The following GOLGA8M variants were observed in gnomAD, a reference collection of about 807,000 sequenced individuals.
GOLGA8M encodes the protein golgin A8 family member M, also known as golgin subfamily A member 8M.
Under a neutral mutation model 87.7 loss-of-function variants are expected in GOLGA8M, and 34 were observed. The observed-to-expected ratio is 0.39, with a 90% CI of 0.29 to 0.52. The LOEUF is 0.52. GOLGA8M is among the 20% of genes least tolerant of loss of function. GOLGA8M has a pLI of 0.80. For synonymous variants in GOLGA8M, 138 were observed against 250.2 expected (o/e 0.55, Z 4.23); for missense variants, 396 against 682.2 (o/e 0.58, Z 4.67).
Position 28,701,734 on chromosome 15 carries a change from A to G in GOLGA8M, c.*220T>C, listed in dbSNP as rs1379049726. On this transcript the variant is annotated 3_prime_UTR_variant, in exon 19 of 19. Transcript: ENST00000563027. The stretch of plus-strand genomic sequence containing the variant: ...CCTACAATTATGAAATTAAAAAAGA[A>G]AAATGCTAAAGGATGCCAGAGTGAA... 5.3e-5 allele frequency among the ~76,000 whole-genome samples: 8 copies of G among 152,152 alleles called. No individual in the cohort carries two copies. The highest frequency in any genetic ancestry group is 3.9e-4 in the Admixed American group (6 of 15,290).
intron 8 of GOLGA8M, 103 bp from the exon 9 acceptor site, chr15:28,706,802 G>T: frequency 1.7e-6 from 2 of 1,165,298 alleles, no homozygotes; most frequent in Non-Finnish European, 2.4e-6. Context: ...AACTCGGTCA[G>T]TAAAGATCAA....
In GOLGA8M at chr15:28,701,894, C is replaced by G; in HGVS notation, c.*60G>C. The G allele has an allele frequency of 7.1e-7, 1 of 1,407,584 alleles. No individual in the cohort carries two copies. The highest frequency in any genetic ancestry group is 9.8e-7 in the Non-Finnish European group (1 of 1,018,486). 87.2% of individuals were successfully genotyped at this position (1,407,584 alleles called of 1,614,324 possible). A position where few individuals can be genotyped will look rare whatever the true frequency, so the allele number is the denominator to read the frequency against. On this transcript the variant is annotated 3_prime_UTR_variant, in exon 19 of 19. Transcript: ENST00000563027. ...GTAAATGAATTGTGTAGGAGATTAA[C>G]CCCATAACTTGGTTTCTTATTTAAA...
At position 28,702,013 on chromosome 15, in the gene GOLGA8M, C is replaced by A. The variant is rs1465769330; in HGVS notation, c.1840G>T (p.Gly614Cys). ...VQDHQEHPGL[G>C]SNCCVPFFCW... ...AAGAATGGCACACAGCAGTTGCTGC[C>A]CAAGCCTGGGTGCTCCTGGTGGTCC... Residue 614 changes from glycine to cysteine, a missense_variant, in exon 19 of 19, where the codon GGC becomes TGC. Physicochemically the swap from Gly to Cys is radical, Grantham distance 159 (BLOSUM62 -3). Around this residue, in one of 12 missense-constraint regions of GOLGA8M, gnomAD observed 35 missense variants for 61.4 expected, o/e 0.57. Coordinates refer to ENST00000563027, the MANE Select transcript of GOLGA8M (RefSeq NM_001282468.3). The A allele has an allele frequency of 1.3e-6, 2 of 1,598,532 alleles. No individual in the cohort carries two copies. Among genetic ancestry groups the A allele is most frequent in the Non-Finnish European group, 1.7e-6 (2 of 1,179,750 alleles).
chr15:28,707,090 A>G (rs1446396001), intron 8 of GOLGA8M, among the ~76,000 whole-genome samples: 1 of 135,498 alleles, frequency 7.4e-6, no homozygotes, highest in African/African-American at 3.2e-5. Flanking sequence ...ATTTGAGGTT[A>G]AGTGCTTGCC....
rs1297029292 is a variant in GOLGA8M at position 28,702,128 on chromosome 15, A to T, written c.1725T>A (p.Asp575Glu). 12 of 1,579,324 alleles carry T rather than the reference A, an allele frequency of 7.6e-6. No homozygotes were observed. Among genetic ancestry groups the T allele is most frequent in the Admixed American group, 3.5e-5 (2 of 56,788 alleles). ...AGGAGGTGAGGCTCACCTCACAAAG[A>T]TCTTTGGAGAGAGGGAGGCAGGGAT... is the stretch of plus-strand genomic sequence containing the variant. ...QELGAADKHGDLCEVSLTSSA... is the reference protein window; with the variant it reads ...QELGAADKHGELCEVSLTSSA... The change falls in exon 19 of 19, where the codon GAT (aspartate) becomes GAA (glutamate). Residue 575 changes from aspartate to glutamate, a missense_variant and splice_region_variant. Physicochemically the swap from Asp to Glu is conservative, Grantham distance 45 (BLOSUM62 2). Coordinates refer to ENST00000563027, the MANE Select transcript of GOLGA8M (RefSeq NM_001282468.3).
Position 28,703,842 on chromosome 15 carries a change from C to T in GOLGA8M, c.1276G>A (p.Gly426Arg). The T allele has an allele frequency of 6.3e-7, 1 of 1,575,152 alleles. No individual in the cohort carries two copies. The highest frequency in any genetic ancestry group is 1.1e-5 in the South Asian group (1 of 89,552). The change falls in exon 14 of 19, where the codon GGA becomes AGA. Residue 426 changes from glycine to arginine, a missense_variant and splice_region_variant. Around this residue, in one of 12 missense-constraint regions of GOLGA8M, gnomAD observed 6 missense variants for 21.4 expected, o/e 0.28. Coordinates refer to ENST00000563027, the MANE Select transcript of GOLGA8M (RefSeq NM_001282468.3). ...QLSLMALPGE[G>R]HGGEHLDSEG... Reference sequence around the variant, plus strand: ...TCTTCCTCTGAGCGGTCTCCCGTACCTTCCCCAGGGAGAGCCATGAGGCTC... The same window carrying T: ...TCTTCCTCTGAGCGGTCTCCCGTACTTTCCCCAGGGAGAGCCATGAGGCTC...
At chr15:28,713,199 T>G (rs1334398369), upstream of GOLGA8M, among the ~76,000 whole-genome samples, 1 of 150,800 alleles carries the variant, frequency 6.6e-6, no homozygotes, top group Non-Finnish European at 1.5e-5. Context: ...AGGCCGGATG[T>G]GGTGGCAGGC....
upstream of GOLGA8M, among the ~76,000 whole-genome samples, chr15:28,712,491 C>T (rs1012866415): frequency 6.6e-6 from 1 of 151,374 alleles, no homozygotes; most frequent in African/African-American, 2.4e-5. Flanking sequence ...TGCTCCAAGC[C>T]CATTGGTCAA....
chr15:28,712,329 G>T lies in GOLGA8M; in HGVS notation c.-6C>A. ...TGTTGAGTTTCTTCTGCCATCGCAG[G>T]GTGGGGAGGGAGGCAGGGTTGGGGC... is the stretch of plus-strand genomic sequence containing the variant. On this transcript the variant is annotated 5_prime_UTR_variant, in exon 1 of 19. Transcript: ENST00000563027. The T allele has an allele frequency of 1.3e-6, 2 of 1,513,160 alleles. No individual in the cohort carries two copies. The allele number at this position is 1,513,160 out of a possible 1,614,324, so 93.7% of individuals were successfully genotyped here.
In GOLGA8M at chr15:28,702,884, C is replaced by T. The variant is rs567342819; in HGVS notation, c.1369-139G>A. 3.1e-4 allele frequency: 470 copies of T among 1,538,732 alleles called. 4 individuals carry two copies. Among genetic ancestry groups the T allele is most frequent in the South Asian group, 1.8e-3 (153 of 84,122 alleles). On this transcript the variant is annotated intron_variant, in intron 15 of 18. Transcript: ENST00000563027. ...TCCTGCAGGGCCCAGTGGGTCTCCCCACTCACAGACTCGCCCCCAGGCCCT... is the reference window on the plus strand; with the variant it reads ...TCCTGCAGGGCCCAGTGGGTCTCCCTACTCACAGACTCGCCCCCAGGCCCT...
chr15:28,707,711 C>G (rs750349855), intron 8 of GOLGA8M, 37 bp downstream of exon 8: 9 of 1,541,068 alleles, frequency 5.8e-6, no homozygotes, highest in Middle Eastern at 1.7e-4. Context: ...TCTGCAAAGC[C>G]AGACTCCCAG....
rs2079791497 is a variant in GOLGA8M, at chr15:28,701,767, GAGAGCCAC to G, written c.*179_*186del. 6.6e-6 allele frequency among the ~76,000 whole-genome samples: 1 copy of G among 151,780 alleles called. No homozygotes were observed. Among genetic ancestry groups the G allele is most frequent in the African/African-American group, 2.4e-5 (1 of 41,252 alleles). On this transcript the variant is annotated 3_prime_UTR_variant, in exon 19 of 19. Coordinates refer to ENST00000563027, the MANE Select transcript of GOLGA8M (RefSeq NM_001282468.3). Reference sequence around the variant, plus strand: ...AAAGGATGCCAGAGTGAACATCAGTGAGAGCCACAGACACCCACTCTCTTTTAACTTTT... The same window carrying G: ...AAAGGATGCCAGAGTGAACATCAGTGAGACACCCACTCTCTTTTAACTTTT...
At position 28,702,251 on chromosome 15, in the gene GOLGA8M, T is replaced by C; in HGVS notation, c.1686A>G (p.Pro562=). 2 of 1,579,226 alleles carry C rather than the reference T, an allele frequency of 1.3e-6. No individual in the cohort carries two copies. The highest frequency in any genetic ancestry group is 1.7e-6 in the Non-Finnish European group (2 of 1,171,792). ...NSADEPGPGA[P]APQELGAADK... ...CTGCAGCCCCAAGCTCCTGGGGAGCTGGGGCTCCTGGACCGGGCTCATCAG... is the reference window on the plus strand; with the variant it reads ...CTGCAGCCCCAAGCTCCTGGGGAGCCGGGGCTCCTGGACCGGGCTCATCAG... The change falls in exon 18 of 19, where the codon CCA becomes CCG. Residue 562 remains proline (P), a synonymous_variant. Transcript: ENST00000563027.
Position 28,702,182 on chromosome 15 carries a change from G to A in GOLGA8M, c.1723+32C>T, listed in dbSNP as rs759313933. On this transcript the variant is annotated intron_variant, in intron 18 of 18. Coordinates refer to ENST00000563027, the MANE Select transcript of GOLGA8M (RefSeq NM_001282468.3). Reference sequence around the variant, plus strand: ...AGCACAGTGGGAGCCCCCTCTTCCTGCCTGCCCACACCACCTGAGGGCTGT... The same window carrying A: ...AGCACAGTGGGAGCCCCCTCTTCCTACCTGCCCACACCACCTGAGGGCTGT... 1.4e-4 allele frequency: 219 copies of A among 1,587,134 alleles called. 4 individuals are homozygous for A. The highest frequency in any genetic ancestry group is 5.8e-5 in the Non-Finnish European group (68 of 1,172,204).
At chr15:28,703,206 G>C in intron 15 of GOLGA8M, 113 bp downstream of exon 15, 2 of 933,384 alleles carry the variant, frequency 2.1e-6, no homozygotes, top group Non-Finnish European at 3.1e-6. Context: ...CTGGCTCTCA[G>C]AAGGGGTGAG....
At chr15:28,712,585 G>A (rs528094256), upstream of GOLGA8M, among the ~76,000 whole-genome samples, 5 of 115,794 alleles carry the variant, frequency 4.3e-5, no homozygotes, top group East Asian at 5.7e-3. Context: ...AGCTGCCCAT[G>A]CGACCGCTCT....
chr15:28,704,086 T>C (rs1423078353), intron 13 of GOLGA8M, among the ~76,000 whole-genome samples, 169 bp from the exon 14 acceptor site: 1 of 147,958 alleles, frequency 6.8e-6, no homozygotes, highest in Non-Finnish European at 1.5e-5. Context: ...ATTAGCTGGG[T>C]CTGCTGCAGT....
chr15:28,705,796 C>G lies in GOLGA8M; in HGVS notation c.875-57G>C. 15 of 1,556,488 alleles carry G rather than the reference C, an allele frequency of 9.6e-6. 1 individual carries two copies. Among genetic ancestry groups the G allele is most frequent in the Non-Finnish European group, 1.3e-5 (15 of 1,169,294 alleles). Reference sequence around the variant, plus strand: ...GGATTCTCGGAAAAGAAAAACCCTCCTCTTGGCGCACAGCTCCTCTCAGGC... The same window carrying G: ...GGATTCTCGGAAAAGAAAAACCCTCGTCTTGGCGCACAGCTCCTCTCAGGC... On this transcript the variant is annotated intron_variant, in intron 11 of 18. Coordinates refer to ENST00000563027, the MANE Select transcript of GOLGA8M (RefSeq NM_001282468.3).
intron 1 of GOLGA8M, chr15:28,711,903 C>T (rs2080206333): frequency 1.0e-6 from 1 of 984,944 alleles, no homozygotes; most frequent in Non-Finnish European, 1.2e-6. Context: ...GCAGGGAGCC[C>T]CAGGAGTCAC....
Sources: allele counts gnomAD v4.1 joint callset (sites outside exome capture counted in the v4.1 genomes callset), GRCh38; gene constraint gnomAD v4.1.1; regional missense constraint gnomAD v4.1.1; transcripts MANE v1.5; gene names NCBI Gene and HGNC (gene_info 2026-07-23, HGNC 2026-07-21).